The following PCDHGA5 variants were observed in gnomAD, a reference collection of about 807,000 sequenced individuals.
PCDHGA5 encodes the protein protocadherin gamma-A5.
Under a neutral mutation model 56.7 loss-of-function variants are expected in PCDHGA5, and 36 were observed. The observed-to-expected ratio is 0.64, with a 90% confidence interval of 0.49 to 0.84. The LOEUF (loss-of-function observed/expected upper bound fraction) is 0.84, where lower values mean the gene tolerates loss of function less well. PCDHGA5 is among the 40% of genes least tolerant of loss of function. The probability of loss-of-function intolerance (pLI) is 0.00; values close to 1 mark genes in which losing one functional copy is unlikely to be tolerated. For missense variants in PCDHGA5, 1,305 were observed against 1,201.5 expected (o/e 1.09, Z -1.27); for synonymous variants, 563 against 520.2 (o/e 1.08, Z -1.12).
intron 1 of PCDHGA5, chr5:141,440,130 A>G (rs1222064545): frequency 6.6e-6 from 1 of 152,282 alleles, no homozygotes; most frequent in African/African-American, 2.4e-5. Context: ...TGAATGGATC[A>G]GGAGCAGATA....
At position 141,487,769 on chromosome 5, in the gene PCDHGA5, T is replaced by C. The variant is rs775270506; in HGVS notation, c.2422-7038T>C. Reference sequence around the variant, plus strand: ...TAACTATGTGGTAGACGCTGTGCTTTGTAACTGTTTCGTGAATTAACCAGA... The same window carrying C: ...TAACTATGTGGTAGACGCTGTGCTTCGTAACTGTTTCGTGAATTAACCAGA... On this transcript the variant is annotated intron_variant, in intron 1 of 3. Transcript: ENST00000518069. The surrounding 1 kb of genome is among the most constrained non-coding windows in gnomAD (Gnocchi z 5.0). 8 of 1,538,288 alleles carry C rather than the reference T, an allele frequency of 5.2e-6. No homozygotes were observed. The highest frequency in any genetic ancestry group is 1.2e-5 in the South Asian group (1 of 82,608).
intron 1 of PCDHGA5, chr5:141,384,303 G>A (rs1199465212): frequency 1.2e-6 from 2 of 1,613,716 alleles, no homozygotes; most frequent in East Asian, 4.5e-5. Context: ...ACCCCAGAGG[G>A]GCCTCCATTT....
rs1020143604 is a variant in PCDHGA5, at chr5:141,387,463, C to T, written c.2421+20712C>T. 8.8e-4 allele frequency among the ~76,000 whole-genome samples: 134 copies of T among 152,318 alleles called. 2 individuals are homozygous for T. Among genetic ancestry groups the T allele is most frequent in the East Asian group, 3.9e-4 (2 of 5,186 alleles). ...TAATCTACATGATTTGCCTAAAAAT[C>T]CTCAAAGTTGGGATGAAGGCATTCC... On this transcript the variant is annotated intron_variant, in intron 1 of 3. Transcript: ENST00000518069.
chr5:141,478,617 G>A (rs1010415342), intron 1 of PCDHGA5: 1 of 1,556,398 alleles, frequency 6.4e-7, no homozygotes, highest in Non-Finnish European at 8.7e-7. Context: ...AGGAAGGAAT[G>A]GAGCTGTTTT....
rs752796935 is a variant in PCDHGA5, at chr5:141,399,900, C to T, written c.2421+33149C>T. ...TGGTGACCAAGGTAGTGGCCGTGGACGCAGACTCAGGACACAACGCCTGGC... is the reference window on the plus strand; with the variant it reads ...TGGTGACCAAGGTAGTGGCCGTGGATGCAGACTCAGGACACAACGCCTGGC... On this transcript the variant is annotated intron_variant, in intron 1 of 3. Coordinates refer to ENST00000518069, the MANE Select transcript of PCDHGA5 (RefSeq NM_018918.3). The T allele has an allele frequency of 7.4e-6, 12 of 1,612,414 alleles. 1 individual carries two copies. In the South Asian group the frequency reaches 9.9e-5, roughly 13 times the overall value.
chr5:141,382,131 C>G (rs2150200415), intron 1 of PCDHGA5, among the ~76,000 whole-genome samples: 1 of 152,134 alleles, frequency 6.6e-6, no homozygotes, highest in African/African-American at 2.4e-5. Flanking sequence ...CCTGGCCCCC[C>G]CTCTCATTTT....
In PCDHGA5 at chr5:141,477,453, A is replaced by T; in HGVS notation, c.2422-17354A>T. On this transcript the variant is annotated intron_variant, in intron 1 of 3. Transcript: ENST00000518069. This position sits in a 1 kb window ranked among gnomAD's most constrained non-coding sequence, Gnocchi z 4.9. Reference sequence around the variant, plus strand: ...TCAGCCCTTACAATAGTGCGTGTTCAAGTGTCCGACATCAATGACAACCCT... The same window carrying T: ...TCAGCCCTTACAATAGTGCGTGTTCTAGTGTCCGACATCAATGACAACCCT... The T allele has an allele frequency of 6.2e-7, 1 of 1,614,136 alleles. No homozygotes were observed. The highest frequency in any genetic ancestry group is 8.5e-7 in the Non-Finnish European group (1 of 1,180,026).
intron 1 of PCDHGA5, chr5:141,395,395 T>TA: frequency 1.1e-6 from 1 of 906,424 alleles, no homozygotes; most frequent in Non-Finnish European, 1.6e-6. Flanking sequence ...AATTGAACTC[T>TA]AATAGTCATA....
intron 1 of PCDHGA5, chr5:141,415,512 T>C (rs997659180): frequency 1.9e-6 from 3 of 1,614,234 alleles, no homozygotes; most frequent in Non-Finnish European, 2.5e-6. Context: ...AGCCCAATTA[T>C]GCGGACACGC....
rs761853399 is a variant in PCDHGA5, at chr5:141,389,296, A to G, written c.2421+22545A>G. On this transcript the variant is annotated intron_variant, in intron 1 of 3. Transcript: ENST00000518069. ...AACCCGCCTGGAGCCTCTATTTCAC[A>G]AGTCAGGGCTTCTGATCCGGACTTG... is the stretch of plus-strand genomic sequence containing the variant. The G allele has an allele frequency of 3.7e-6, 6 of 1,613,988 alleles. No individual in the cohort carries two copies. The South Asian group carries it at 6.6e-5, about 18-fold the overall frequency.
intron 1 of PCDHGA5, chr5:141,423,848 G>A: frequency 1.6e-6 from 2 of 1,277,462 alleles, no homozygotes; most frequent in Non-Finnish European, 2.0e-6. Flanking sequence ...TAATCTTTCA[G>A]AACGTTTTTG....
intron 1 of PCDHGA5, chr5:141,371,237 C>A (rs957754662): frequency 5.0e-6 from 8 of 1,614,002 alleles, no homozygotes; most frequent in Non-Finnish European, 5.1e-6. Context: ...TCTATGCCTT[C>A]ATCAATATTG....
chr5:141,490,576 G>T lies in PCDHGA5; in HGVS notation c.2422-4231G>T. On this transcript the variant is annotated intron_variant, in intron 1 of 3. Transcript: ENST00000518069. The surrounding 1 kb of genome is among the most constrained non-coding windows in gnomAD (Gnocchi z 5.4). ...TCTCACCATCAGGCTCAACATTTCA[G>T]ATGTCAATGACAATGCACCCCGCTT... 2.5e-6 allele frequency: 4 copies of T among 1,614,134 alleles called. No homozygotes were observed. The highest frequency in any genetic ancestry group is 3.4e-6 in the Non-Finnish European group (4 of 1,180,030).
At chr5:141,460,985 ATATATATATATGTG>A (rs2099005673) in intron 1 of PCDHGA5, among the ~76,000 whole-genome samples, 1 of 91,766 alleles carries the variant, frequency 1.1e-5, no homozygotes, top group Non-Finnish European at 2.2e-5. Flanking sequence ...GTGTGTGTGT[ATATATATATATGTG>A]TATATATATA....
At chr5:141,497,741 G>A (rs767561907) in intron 2 of PCDHGA5, among the ~76,000 whole-genome samples, 24 of 152,050 alleles carry the variant, frequency 1.6e-4, no homozygotes, top group Non-Finnish European at 2.6e-4. Context: ...GTTTCGCCAC[G>A]TTGGCCAGGC....
intron 1 of PCDHGA5, among the ~76,000 whole-genome samples, chr5:141,452,542 C>T (rs2098743637): frequency 6.6e-6 from 1 of 152,180 alleles, no homozygotes; most frequent in Admixed American, 6.6e-5. Flanking sequence ...CATATTGATA[C>T]CTCCAGTTCT....
chr5:141,478,381 C>A (rs931860600), intron 1 of PCDHGA5: 1 of 1,613,664 alleles, frequency 6.2e-7, no homozygotes, highest in Admixed American at 1.7e-5. Flanking sequence ...TGTCGCCGCA[C>A]CTTTACCATC....
chr5:141,382,666 G>A (rs910632221), intron 1 of PCDHGA5: 20 of 422,596 alleles, frequency 4.7e-5, no homozygotes, highest in African/African-American at 3.6e-4. Flanking sequence ...TCACAGCGCC[G>A]CTGTTCACCA....
chr5:141,450,826 A>ATTTT (rs764729742), intron 1 of PCDHGA5, among the ~76,000 whole-genome samples: 5 of 134,360 alleles, frequency 3.7e-5, no homozygotes, highest in East Asian at 2.1e-4. Flanking sequence ...TATTATTATT[A>ATTTT]TTATTTTTTT....
Sources: gnomAD v4.1 joint callset for allele counts (sites outside exome capture counted in the v4.1 genomes callset) on GRCh38, gnomAD v4.1.1 for gene constraint, Gnocchi (gnomAD v3.1) non-coding constraint, MANE v1.5 for transcripts, NCBI Gene and HGNC (gene_info 2026-07-23, HGNC 2026-07-21) for gene names.